Variants in ACBD5 observed in about 807,000 individuals in gnomAD.
ACBD5 encodes the protein acyl-CoA-binding domain-containing protein 5.
Under a neutral mutation model 71.8 loss-of-function variants are expected in ACBD5, and 40 were observed. The ratio of observed to expected loss-of-function variants is 0.56; its 90% CI spans 0.43 to 0.72. ACBD5 has a LOEUF of 0.72. Ranked by LOEUF, ACBD5 falls within the 30% of genes least tolerant of loss-of-function variation. ACBD5 has a pLI of 0.00. For synonymous variants in ACBD5, 229 were observed against 218.6 expected, an observed-to-expected ratio of 1.05 and a Z score of -0.42; for missense variants, 559 against 644.5, an observed-to-expected ratio of 0.87 and a Z score of 1.44.
chr10:27,231,542 C>T (rs934629520), intron 4 of ACBD5, among the ~76,000 whole-genome samples: 2 of 152,088 alleles, frequency 1.3e-5, no homozygotes, highest in African/African-American at 2.4e-5. Context: ...TAAAACATCA[C>T]ATCATCACAG....
At chr10:27,198,916 C>T (rs1379651403) in intron 12 of ACBD5, among the ~76,000 whole-genome samples, 1 of 152,016 alleles carries the variant, frequency 6.6e-6, no homozygotes, top group Admixed American at 6.6e-5. Flanking sequence ...CAAGACCATC[C>T]TGCTAACACG....
downstream of ACBD5, among the ~76,000 whole-genome samples, chr10:27,191,177 T>C (rs997537683): frequency 2.6e-5 from 4 of 152,136 alleles, no homozygotes; most frequent in African/African-American, 7.2e-5. Flanking sequence ...CTTAAGTGCA[T>C]ATTACTAACT....
downstream of ACBD5, chr10:27,195,190 T>C (rs1275166599): frequency 8.1e-6 from 3 of 370,660 alleles, no homozygotes; most frequent in African/African-American, 2.1e-5. Flanking sequence ...AATGGGCTAA[T>C]AGTAACAAGT....
intron 12 of ACBD5, among the ~76,000 whole-genome samples, chr10:27,203,211 C>T (rs971504438): frequency 6.6e-6 from 1 of 151,786 alleles, no homozygotes; most frequent in Non-Finnish European, 1.5e-5. Context: ...TTCTTGAATT[C>T]CTGGGCTCAA....
downstream of ACBD5, among the ~76,000 whole-genome samples, chr10:27,191,901 TAAC>T (rs2059097218): frequency 7.9e-6 from 1 of 126,028 alleles, no homozygotes; most frequent in African/African-American, 5.7e-5. Context: ...AAAAAAATAA[TAAC>T]AATAAAGTCT....
intron 2 of ACBD5, among the ~76,000 whole-genome samples, chr10:27,236,170 C>T (rs1407066222): frequency 6.6e-6 from 1 of 150,696 alleles, no homozygotes; most frequent in Non-Finnish European, 1.5e-5. Flanking sequence ...TTGCAGTATT[C>T]TCAATAACTG....
In ACBD5 at chr10:27,240,742, C is replaced by T; in HGVS notation, c.-54G>A. The T allele has an allele frequency of 6.5e-7, 1 of 1,550,200 alleles. No individual in the cohort carries two copies. Among genetic ancestry groups the T allele is most frequent in the Non-Finnish European group, 8.7e-7 (1 of 1,146,906 alleles). ...CATCGGTGGCCGCGGAGCCGCTCTC[C>T]CACCCTGGGGACCCTGGCGGAGCAG... On this transcript the variant is annotated 5_prime_UTR_variant, in exon 1 of 13. It introduces an in-frame stop codon into an upstream open reading frame of the 5' UTR. Coordinates refer to ENST00000396271, the MANE Select transcript of ACBD5 (RefSeq NM_145698.5). This position sits in a 1 kb window ranked among gnomAD's most constrained non-coding sequence, Gnocchi z 4.1.
At chr10:27,203,217 C>T (rs1289695584) in intron 12 of ACBD5, among the ~76,000 whole-genome samples, 3 of 151,914 alleles carry the variant, frequency 2.0e-5, no homozygotes, top group Admixed American at 2.0e-4. Context: ...AATTCCTGGG[C>T]TCAAGCAATC....
At chr10:27,194,882 G>A (rs1333877090), downstream of ACBD5, among the ~76,000 whole-genome samples, 1 of 151,996 alleles carries the variant, frequency 6.6e-6, no homozygotes, top group Non-Finnish European at 1.5e-5. Flanking sequence ...TGTACTCCCA[G>A]CTACTCGGGA....
intron 9 of ACBD5, among the ~76,000 whole-genome samples, chr10:27,208,907 C>A (rs10829210): frequency 0.99 from 151,362 of 152,306 alleles, 75,219 homozygotes; most frequent in Middle Eastern, 1. Flanking sequence ...AACTGCTGAG[C>A]TCAAAGAAAT....
At chr10:27,238,987 C>T (rs1353480601) in intron 2 of ACBD5, among the ~76,000 whole-genome samples, 3 of 152,114 alleles carry the variant, frequency 2.0e-5, no homozygotes, top group Non-Finnish European at 4.4e-5. Flanking sequence ...CACCTGAGGT[C>T]GGGAGTTCAA....
At chr10:27,223,628 C>T (rs2062641262) in intron 4 of ACBD5, among the ~76,000 whole-genome samples, 176 bp from the exon 5 acceptor site, 1 of 152,088 alleles carries the variant, frequency 6.6e-6, no homozygotes, top group Non-Finnish European at 1.5e-5. Flanking sequence ...TGTGGCCGGG[C>T]TAAGTGGTGG....
Position 27,240,285 on chromosome 10 carries a change from G to A in ACBD5, c.181+34C>T. 1.2e-6 allele frequency: 2 copies of A among 1,614,006 alleles called. No individual in the cohort carries two copies. Among genetic ancestry groups the A allele is most frequent in the Admixed American group, 1.7e-5 (1 of 60,020 alleles). On this transcript the variant is annotated intron_variant, in intron 2 of 12. Transcript: ENST00000396271. The surrounding 1 kb of genome is among the most constrained non-coding windows in gnomAD (Gnocchi z 4.1). ...AAAGGGGGCTTTGGGGCTCTCTGCA[G>A]GAGGCGTCTACAGCCGGGGCCCAGC...
At chr10:27,218,946 GGTATTCCAAC>G (rs1219407759) in intron 6 of ACBD5, among the ~76,000 whole-genome samples, 2 of 152,046 alleles carry the variant, frequency 1.3e-5, no homozygotes, top group Non-Finnish European at 2.9e-5. Flanking sequence ...GTGTGTTATT[GGTATTCCAAC>G]AGGGCCCTCA....
Position 27,219,986 on chromosome 10 carries a change from T to C in ACBD5, c.491-129A>G, listed in dbSNP as rs183714702. The stretch of plus-strand genomic sequence containing the variant: ...TTGAATTAAAATGTTATATATATAA[T>C]AGTATTATTTTCTTTGACTATAAAC... On this transcript the variant is annotated intron_variant, in intron 5 of 12. Coordinates refer to ENST00000396271, the MANE Select transcript of ACBD5 (RefSeq NM_145698.5). 1,137 of 631,944 alleles carry C rather than the reference T, an allele frequency of 1.8e-3. 7 individuals carry two copies. The highest frequency in any genetic ancestry group is 0.014 in the African/African-American group (737 of 51,758). The allele number at this position is 631,944 out of a possible 1,614,324, so 39.1% of individuals were successfully genotyped here.
At chr10:27,228,811 ATATATTTTTTTTTT>A (rs1315926692) in intron 4 of ACBD5, among the ~76,000 whole-genome samples, 783 of 15,882 alleles carry the variant, frequency 0.049, 35 homozygotes, top group East Asian at 0.3. Flanking sequence ...ATATATATAT[ATATATTTTTTTTTT>A]TTTTTTTTTT....
At chr10:27,188,725 T>C (rs765554744) in intron 13 of ACBD5, among the ~76,000 whole-genome samples, 2 of 152,096 alleles carry the variant, frequency 1.3e-5, no homozygotes, top group Non-Finnish European at 2.9e-5. Context: ...TGGGAACAGG[T>C]GACTTATTAT....
chr10:27,221,917 CAAAAAAAAAAA>C (rs56253187), intron 5 of ACBD5, among the ~76,000 whole-genome samples: 1 of 77,140 alleles, frequency 1.3e-5, no homozygotes, highest in Non-Finnish European at 2.5e-5. Flanking sequence ...GACTCCATCT[CAAAAAAAAAAA>C]AAAAAAAAAA....
chr10:27,227,324 T>C (rs980942314), intron 4 of ACBD5, among the ~76,000 whole-genome samples: 1 of 152,122 alleles, frequency 6.6e-6, no homozygotes, highest in Non-Finnish European at 1.5e-5. Context: ...GAAAATATAC[T>C]GGAAAGGTGT....
Sources: allele counts gnomAD v4.1 joint callset (sites outside exome capture counted in the v4.1 genomes callset), GRCh38; gene constraint gnomAD v4.1.1; non-coding constraint Gnocchi (gnomAD v3.1); transcripts MANE v1.5; gene names NCBI Gene and HGNC (gene_info 2026-07-23, HGNC 2026-07-21).